The following MAP3K4 variants were observed in gnomAD, a reference collection of about 807,000 sequenced individuals.
MAP3K4 encodes the protein MAP three kinase 1.
In MAP3K4, 67 loss-of-function variants were observed where a neutral mutation model predicts 185.6. The ratio of observed to expected loss-of-function variants is 0.36; its 90% CI spans 0.30 to 0.44. The LOEUF (loss-of-function observed/expected upper bound fraction) is 0.44, where lower values mean the gene tolerates loss of function less well. Ranked by LOEUF, MAP3K4 falls within the 20% of genes least tolerant of loss-of-function variation. The pLI is 1.00. For synonymous variants in MAP3K4, 702 were observed against 710.4 expected, an observed-to-expected ratio of 0.99 and a Z score of 0.19; for missense variants, 1,551 against 1,995.1, an observed-to-expected ratio of 0.78 and a Z score of 4.24.
chr6:161,051,096 A>C lies in MAP3K4; in HGVS notation c.1707+1117A>C, dbSNP rs1783982950. On this transcript the variant is annotated intron_variant, in intron 3 of 26. Coordinates refer to ENST00000392142, the MANE Select transcript of MAP3K4 (RefSeq NM_005922.4). This position sits in a 1 kb window ranked among gnomAD's most constrained non-coding sequence, Gnocchi z 4.2. ...GTTAATACTGTATAGTTTGGGGAATAATGGCAAGAAAAAAGTTTGTACATG... is the reference window on the plus strand; with the variant it reads ...GTTAATACTGTATAGTTTGGGGAATCATGGCAAGAAAAAAGTTTGTACATG... 6.6e-6 allele frequency among the ~76,000 whole-genome samples: 1 copy of C among 152,274 alleles called. No individual in the cohort carries two copies. The highest frequency in any genetic ancestry group is 1.5e-5 in the Non-Finnish European group (1 of 68,058).
In MAP3K4 at chr6:161,084,752, T is replaced by C. The variant is rs2114850191; in HGVS notation, c.2372+135T>C. Reference sequence around the variant, plus strand: ...AATTTGGGCAGTAGATGTAAAGGGATTTATTTATAACTGCCTTGTCTTTTC... The same window carrying C: ...AATTTGGGCAGTAGATGTAAAGGGACTTATTTATAACTGCCTTGTCTTTTC... On this transcript the variant is annotated intron_variant, in intron 7 of 26. Coordinates refer to ENST00000392142, the MANE Select transcript of MAP3K4 (RefSeq NM_005922.4). This position sits in a 1 kb window ranked among gnomAD's most constrained non-coding sequence, Gnocchi z 4.6. 1.9e-6 allele frequency: 1 copy of C among 538,084 alleles called. No homozygotes were observed. The highest frequency in any genetic ancestry group is 2.9e-5 in the East Asian group (1 of 33,954). The allele number at this position is 538,084 out of a possible 1,614,324, so 33.3% of individuals were successfully genotyped here. A position where few individuals can be genotyped will look rare whatever the true frequency, so the allele number is the denominator to read the frequency against.
At position 161,096,989 on chromosome 6, in the gene MAP3K4, G is replaced by C; in HGVS notation, c.3428-91G>C. ...TTACCTTGGTCATTGGCCAGAATAA[G>C]TGACATTCTATTTTCCATTTGACTG... On this transcript the variant is annotated intron_variant, in intron 15 of 26. Transcript: ENST00000392142. This position sits in a 1 kb window ranked among gnomAD's most constrained non-coding sequence, Gnocchi z 4.9. 2 of 1,013,230 alleles carry C rather than the reference G, an allele frequency of 2.0e-6. No individual in the cohort carries two copies. Among genetic ancestry groups the C allele is most frequent in the Middle Eastern group, 2.1e-4 (1 of 4,836 alleles). The allele number at this position is 1,013,230 out of a possible 1,614,324, so 62.8% of individuals were successfully genotyped here.
In MAP3K4 at chr6:161,109,595, G is replaced by A. The variant is rs190685396; in HGVS notation, c.4237-160G>A. Reference sequence around the variant, plus strand: ...ACACCTCTATAGAGGACTTAGAAACGACTGTTGTGAGACACATTCAGTGCT... The same window carrying A: ...ACACCTCTATAGAGGACTTAGAAACAACTGTTGTGAGACACATTCAGTGCT... On this transcript the variant is annotated intron_variant, in intron 22 of 26. Coordinates refer to ENST00000392142, the MANE Select transcript of MAP3K4 (RefSeq NM_005922.4). This position sits in a 1 kb window ranked among gnomAD's most constrained non-coding sequence, Gnocchi z 5.7. 4.6e-5 allele frequency among the ~76,000 whole-genome samples: 7 copies of A among 152,238 alleles called. No individual in the cohort carries two copies. In the East Asian group the frequency reaches 7.7e-4, roughly 17 times the overall value.
intron 1 of MAP3K4, among the ~76,000 whole-genome samples, chr6:160,997,850 T>C (rs1781078047): frequency 6.6e-6 from 1 of 152,038 alleles, no homozygotes; most frequent in East Asian, 1.9e-4. Flanking sequence ...TTCCTGGGAT[T>C]TTTCAAATTG....
intron 1 of MAP3K4, among the ~76,000 whole-genome samples, chr6:161,009,020 C>T (rs531469643): frequency 6.8e-6 from 1 of 148,042 alleles, no homozygotes; most frequent in African/African-American, 2.5e-5. Flanking sequence ...GAATCTCACT[C>T]TGTCACCAGG....
Position 161,087,755 on chromosome 6 carries a change from T to G in MAP3K4, c.2624T>G (p.Ile875Ser). 1 of 1,614,092 alleles carries G rather than the reference T, an allele frequency of 6.2e-7. No homozygotes were observed. The highest frequency in any genetic ancestry group is 8.5e-7 in the Non-Finnish European group (1 of 1,179,928). ...VPDTLAEEKS[I>S]ILQLLNAAAG... is the part of the protein sequence containing the mutation. ...GACACTCTTGCTGAGGAGAAGAGTA[T>G]TATTTTGCAGTTACTCAATGCAGCT... Residue 875 changes from isoleucine to serine, a missense_variant, in exon 10 of 27, where the codon ATT becomes AGT. Physicochemically the swap from Ile to Ser is moderately radical, Grantham distance 142. Transcript: ENST00000392142. The surrounding 1 kb of genome is among the most constrained non-coding windows in gnomAD (Gnocchi z 4.9).
Position 161,034,524 on chromosome 6 carries a change from G to T in MAP3K4, c.343+75G>T. 2 of 1,222,964 alleles carry T rather than the reference G, an allele frequency of 1.6e-6. No individual in the cohort carries two copies. Among genetic ancestry groups the T allele is most frequent in the South Asian group, 1.7e-5 (1 of 58,086 alleles). The allele number at this position is 1,222,964 out of a possible 1,614,324, so 75.8% of individuals were successfully genotyped here. Reference sequence around the variant, plus strand: ...ATTGATTCTTTCAACAATAAAGTTAGCAATTTCTTTTATTTTTAATTTGAT... The same window carrying T: ...ATTGATTCTTTCAACAATAAAGTTATCAATTTCTTTTATTTTTAATTTGAT... On this transcript the variant is annotated intron_variant, in intron 2 of 26. Transcript: ENST00000392142. This position sits in a 1 kb window ranked among gnomAD's most constrained non-coding sequence, Gnocchi z 4.4.
intron 3 of MAP3K4, among the ~76,000 whole-genome samples, chr6:161,058,729 T>C (rs1054043726): frequency 3.9e-5 from 6 of 152,092 alleles, no homozygotes; most frequent in African/African-American, 1.4e-4. Context: ...GTTTCCCCCG[T>C]GTTGTCTACT....
intron 6 of MAP3K4, among the ~76,000 whole-genome samples, chr6:161,083,910 T>C (rs1785577028): frequency 6.6e-6 from 1 of 152,244 alleles, no homozygotes; most frequent in South Asian, 2.1e-4. Context: ...GTTCTGTGCT[T>C]ACCTGCTCTC....
At chr6:161,020,487 G>T (rs1343358485) in intron 1 of MAP3K4, among the ~76,000 whole-genome samples, 1 of 151,920 alleles carries the variant, frequency 6.6e-6, no homozygotes, top group East Asian at 1.9e-4. Flanking sequence ...GTGAAACTCC[G>T]TTTCTACTAA....
chr6:161,057,801 A>G (rs146413802), intron 3 of MAP3K4, among the ~76,000 whole-genome samples: 90 of 152,356 alleles, frequency 5.9e-4, no homozygotes, highest in Middle Eastern at 3.4e-3. Context: ...TTGTAATTGA[A>G]TGACACACTA....
chr6:161,079,625 G>A (rs1036803136), intron 5 of MAP3K4, among the ~76,000 whole-genome samples: 4 of 152,184 alleles, frequency 2.6e-5, no homozygotes, highest in Non-Finnish European at 5.9e-5. Context: ...CTTGGGGGCC[G>A]CAAGGAAGAA....
intron 1 of MAP3K4, among the ~76,000 whole-genome samples, chr6:161,028,905 G>T (rs527496616): frequency 6.6e-6 from 1 of 152,142 alleles, no homozygotes; most frequent in African/African-American, 2.4e-5. Flanking sequence ...AAATTGACTC[G>T]TGTAATATGG....
At position 161,087,217 on chromosome 6, in the gene MAP3K4, C is replaced by A. The variant is rs77424546; in HGVS notation, c.2557-471C>A. ...AGTGGGAGGGATGACCTGCAGCGTG[C>A]CACCACATGTGTACCCTTTGAGAAA... On this transcript the variant is annotated intron_variant, in intron 9 of 26. Coordinates refer to ENST00000392142, the MANE Select transcript of MAP3K4 (RefSeq NM_005922.4). This position sits in a 1 kb window ranked among gnomAD's most constrained non-coding sequence, Gnocchi z 4.9. 0.013 allele frequency among the ~76,000 whole-genome samples: 1,964 copies of A among 152,294 alleles called. 45 individuals are homozygous for A. Among genetic ancestry groups the A allele is most frequent in the African/African-American group, 0.045 (1,865 of 41,552 alleles).
rs1489495061 is a variant in MAP3K4, at chr6:161,071,638, G to A, written c.1950+788G>A. ...CAGGTCATACAGTAGGTACAAAATAGGATTTGTTTGTTTAATTAGGAGTAG... is the reference window on the plus strand; with the variant it reads ...CAGGTCATACAGTAGGTACAAAATAAGATTTGTTTGTTTAATTAGGAGTAG... On this transcript the variant is annotated intron_variant, in intron 4 of 26. Transcript: ENST00000392142. This position sits in a 1 kb window ranked among gnomAD's most constrained non-coding sequence, Gnocchi z 4.6. Among the ~76,000 whole-genome samples, 1 of 152,136 alleles carries A rather than the reference G, an allele frequency of 6.6e-6. No homozygotes were observed. Among genetic ancestry groups the A allele is most frequent in the Non-Finnish European group, 1.5e-5 (1 of 68,028 alleles).
intron 3 of MAP3K4, among the ~76,000 whole-genome samples, chr6:161,062,999 C>G (rs1453643877): frequency 2.0e-5 from 3 of 151,916 alleles, no homozygotes; most frequent in Admixed American, 1.3e-4. Context: ...CTTTGCCTGT[C>G]TTCTCTGTCA....
At position 161,114,764 on chromosome 6, in the gene MAP3K4, T is replaced by C. The variant is rs1162823776; in HGVS notation, c.4627-359T>C. Among the ~76,000 whole-genome samples the C allele has an allele frequency of 1.3e-5, 2 of 152,190 alleles. No individual in the cohort carries two copies. Among genetic ancestry groups the C allele is most frequent in the Non-Finnish European group, 2.9e-5 (2 of 68,034 alleles). ...GGGTTTTATAGACTTTTTTATGTCA[T>C]TTTATATATTTTTTAGTTGCATGAT... On this transcript the variant is annotated intron_variant, in intron 25 of 26. Coordinates refer to ENST00000392142, the MANE Select transcript of MAP3K4 (RefSeq NM_005922.4). The surrounding 1 kb of genome is among the most constrained non-coding windows in gnomAD (Gnocchi z 4.3).
rs1037663059 is a variant in MAP3K4 at position 161,114,672 on chromosome 6, A to G, written c.4627-451A>G. Among the ~76,000 whole-genome samples the G allele has an allele frequency of 2.0e-5, 3 of 152,366 alleles. No individual in the cohort carries two copies. The highest frequency in any genetic ancestry group is 7.2e-5 in the African/African-American group (3 of 41,592). On this transcript the variant is annotated intron_variant, in intron 25 of 26. Coordinates refer to ENST00000392142, the MANE Select transcript of MAP3K4 (RefSeq NM_005922.4). The surrounding 1 kb of genome is among the most constrained non-coding windows in gnomAD (Gnocchi z 4.3). ...TTTTTCATAGGATCATAATGAAATA[A>G]GCTTTGCACTAATGCAATTTTTATT...
chr6:160,996,547 C>G lies in MAP3K4; in HGVS notation c.152+4464C>G, dbSNP rs547223729. On this transcript the variant is annotated intron_variant, in intron 1 of 26. Coordinates refer to ENST00000392142, the MANE Select transcript of MAP3K4 (RefSeq NM_005922.4). This position sits in a 1 kb window ranked among gnomAD's most constrained non-coding sequence, Gnocchi z 4.5. ...ACTCATAGCATTCTATTGTCTCAGC[C>G]TTGTCATTTGACCAGGTAGTATGTA... Among the ~76,000 whole-genome samples the G allele has an allele frequency of 6.6e-6, 1 of 152,286 alleles. No homozygotes were observed. The highest frequency in any genetic ancestry group is 2.1e-4 in the South Asian group (1 of 4,816).
Sources: gnomAD v4.1 joint callset for allele counts (sites outside exome capture counted in the v4.1 genomes callset) on GRCh38, gnomAD v4.1.1 for gene constraint, Gnocchi (gnomAD v3.1) non-coding constraint, MANE v1.5 for transcripts, NCBI Gene and HGNC (gene_info 2026-07-23, HGNC 2026-07-21) for gene names.